Variants in SNX17 observed in about 807,000 individuals in gnomAD.
The protein encoded by SNX17 is sorting nexin 17.
In SNX17, 35 loss-of-function variants were observed where a neutral mutation model predicts 64.3. That is an observed-to-expected ratio of 0.54 (90% CI 0.42 to 0.72). The LOEUF (loss-of-function observed/expected upper bound fraction) is 0.72, where lower values mean the gene tolerates loss of function less well. SNX17 is among the 30% of genes least tolerant of loss of function. The pLI, the probability that SNX17 is intolerant of heterozygous loss-of-function variation, is 0.00. For missense variants in SNX17, 538 were observed against 610.0 expected, an observed-to-expected ratio of 0.88 and a Z score of 1.24; for synonymous variants, 259 against 230.2, an observed-to-expected ratio of 1.13 and a Z score of -1.13.
chr2:27,370,776 C>T lies in SNX17; in HGVS notation c.33C>T (p.Arg11=). The part of the protein sequence containing the change: MHFSIPETES[R]SGDSGGSAYV... ...TTTCCATTCCCGAAACCGAGTCCCGCAGCGGGGACAGCGGCGGCTCCGCCT... is the reference window on the plus strand; with the variant it reads ...TTTCCATTCCCGAAACCGAGTCCCGTAGCGGGGACAGCGGCGGCTCCGCCT... Residue 11 remains arginine (R), a synonymous_variant, in exon 1 of 15, where the codon CGC becomes CGT. Coordinates refer to ENST00000233575, the MANE Select transcript of SNX17 (RefSeq NM_014748.4). 2 of 1,547,190 alleles carry T rather than the reference C, an allele frequency of 1.3e-6. No individual in the cohort carries two copies. The highest frequency in any genetic ancestry group is 1.7e-6 in the Non-Finnish European group (2 of 1,146,522).
intron 12 of SNX17, 56 bp downstream of exon 12, chr2:27,376,239 C>T (rs995790623): frequency 7.4e-6 from 12 of 1,612,920 alleles, no homozygotes; most frequent in African/African-American, 6.7e-5. Context: ...TGCCTTTTGT[C>T]CTAGATGTGA....
In SNX17 at chr2:27,377,402, T is replaced by G; in HGVS notation, c.*683T>G. ...GTGCCTCAGTCAAGGCAAGGTCCCC[T>G]GGTCCATATGGGCCCCCCCGCCCAT... is the stretch of plus-strand genomic sequence containing the variant. On this transcript the variant is annotated 3_prime_UTR_variant, in exon 15 of 15. Transcript: ENST00000233575. The surrounding 1 kb of genome is among the most constrained non-coding windows in gnomAD (Gnocchi z 4.4). 1 of 885,956 alleles carries G rather than the reference T, an allele frequency of 1.1e-6. No homozygotes were observed. Among genetic ancestry groups the G allele is most frequent in the Non-Finnish European group, 1.8e-6 (1 of 551,774 alleles). The allele number at this position is 885,956 out of a possible 1,614,324, so 54.9% of individuals were successfully genotyped here.
chr2:27,375,813 G>T lies in SNX17; in HGVS notation c.979-33G>T. On this transcript the variant is annotated intron_variant, in intron 10 of 14. Coordinates refer to ENST00000233575, the MANE Select transcript of SNX17 (RefSeq NM_014748.4). The surrounding 1 kb of genome is among the most constrained non-coding windows in gnomAD (Gnocchi z 4.1). Reference sequence around the variant, plus strand: ...CAGGGAGCCAGACAGGTTGGTCAGAGTGAACTCAACCGAATTCCCCTTCCT... The same window carrying T: ...CAGGGAGCCAGACAGGTTGGTCAGATTGAACTCAACCGAATTCCCCTTCCT... 3 of 1,612,236 alleles carry T rather than the reference G, an allele frequency of 1.9e-6. No homozygotes were observed. The highest frequency in any genetic ancestry group is 2.5e-6 in the Non-Finnish European group (3 of 1,179,156).
chr2:27,375,727 G>C lies in SNX17; in HGVS notation c.978+18G>C, dbSNP rs373653454. 4.3e-6 allele frequency: 7 copies of C among 1,613,494 alleles called. No homozygotes were observed. The highest frequency in any genetic ancestry group is 5.9e-6 in the Non-Finnish European group (7 of 1,179,932). On this transcript the variant is annotated intron_variant, in intron 10 of 14. Coordinates refer to ENST00000233575, the MANE Select transcript of SNX17 (RefSeq NM_014748.4). The surrounding 1 kb of genome is among the most constrained non-coding windows in gnomAD (Gnocchi z 4.1). ...CCTCCTCTGTGAGTCGGGTTAGGAG[G>C]GGGAAGGGCCTGGGTTGGGGGCCCG...
rs776430547 is a variant in SNX17 at position 27,375,940 on chromosome 2, G to T, written c.1073G>T (p.Arg358Leu). ...LAFEYLMSKD[R>L]LQWVTITSPQ... ...TTTGAATACCTCATGAGCAAGGACC[G>T]GCTACAGTGGGTCACCATCACTAGC... The change falls in exon 11 of 15, where the codon CGG becomes CTG. Residue 358 changes from arginine to leucine, a missense_variant. Transcript: ENST00000233575. The surrounding 1 kb of genome is among the most constrained non-coding windows in gnomAD (Gnocchi z 4.1). The T allele has an allele frequency of 6.2e-7, 1 of 1,614,120 alleles. No homozygotes were observed. The highest frequency in any genetic ancestry group is 2.2e-5 in the East Asian group (1 of 44,876).
rs183606717 is a variant in SNX17 at position 27,373,162 on chromosome 2, G to A, written c.257-85G>A. 11 of 1,608,936 alleles carry A rather than the reference G, an allele frequency of 6.8e-6. No individual in the cohort carries two copies. In the Admixed American group the frequency reaches 1.7e-4, roughly 24 times the overall value. On this transcript the variant is annotated intron_variant, in intron 3 of 14. Transcript: ENST00000233575. Reference sequence around the variant, plus strand: ...CAGGCCACCATCAGCCCAGGAAATGGGGTCGGGGGAACCTACTGAGAGGAG... The same window carrying A: ...CAGGCCACCATCAGCCCAGGAAATGAGGTCGGGGGAACCTACTGAGAGGAG...
At position 27,371,307 on chromosome 2, in the gene SNX17, G is replaced by A; in HGVS notation, c.102G>A (p.Arg34=). The change falls in exon 2 of 15, where the codon CGG becomes CGA. Residue 34 remains arginine (R), a synonymous_variant. Coordinates refer to ENST00000233575, the MANE Select transcript of SNX17 (RefSeq NM_014748.4). ...NIHVNGVLHC[R]VRYSQLLGLH... is the part of the protein sequence containing the mutation. The stretch of plus-strand genomic sequence containing the variant: ...ACGTGAATGGAGTCCTGCACTGTCG[G>A]GTGCGCTACAGCCAGCTCCTGGGGC... 6.2e-7 allele frequency: 1 copy of A among 1,613,310 alleles called. No homozygotes were observed. The highest frequency in any genetic ancestry group is 8.5e-7 in the Non-Finnish European group (1 of 1,179,934).
In SNX17 at chr2:27,375,179, C is replaced by T. The variant is rs201568200; in HGVS notation, c.774+26C>T. 2.5e-6 allele frequency: 4 copies of T among 1,601,148 alleles called. No individual in the cohort carries two copies. The highest frequency in any genetic ancestry group is 4.5e-5 in the East Asian group (2 of 44,822). On this transcript the variant is annotated intron_variant, in intron 9 of 14. Coordinates refer to ENST00000233575, the MANE Select transcript of SNX17 (RefSeq NM_014748.4). The surrounding 1 kb of genome is among the most constrained non-coding windows in gnomAD (Gnocchi z 4.1). ...GTGAGCCCTGCCTCCTCTCTGTCTT[C>T]CTCTAAGGGCTTGCAGTGGCGCGAT...
In SNX17 at chr2:27,376,642, A is replaced by C. The variant is rs758477398; in HGVS notation, c.1336A>C (p.Ser446Arg). The change falls in exon 15 of 15, where the codon AGT (serine) becomes CGT (arginine). Residue 446 changes from serine (S) to arginine (R), a missense_variant. Ser to Arg is a moderately radical substitution (Grantham distance 110). Coordinates refer to ENST00000233575, the MANE Select transcript of SNX17 (RefSeq NM_014748.4). ...TGCCGTGAGCTTGCGGGGAATTGGC[A>C]GTCCCAGCACAGATGCCAGTGCCAG... ...LSAVSLRGIG[S>R]PSTDASASDV... 2.5e-6 allele frequency: 4 copies of C among 1,614,194 alleles called. No homozygotes were observed. The highest frequency in any genetic ancestry group is 1.3e-5 in the African/African-American group (1 of 75,054).
At chr2:27,372,784 G>A (rs1682767676) in intron 3 of SNX17, 44 bp downstream of exon 3, 1 of 1,610,898 alleles carries the variant, frequency 6.2e-7, no homozygotes, top group South Asian at 1.1e-5. Flanking sequence ...TGAGGACTAT[G>A]GGGAGAGACT....
intron 2 of SNX17, 138 bp from the exon 3 acceptor site, chr2:27,372,485 C>A: frequency 1.6e-6 from 2 of 1,221,260 alleles, no homozygotes; most frequent in South Asian, 1.4e-5. Context: ...GGAATTGTTT[C>A]TCAGATGACC....
intron 2 of SNX17, 27 bp from the exon 3 acceptor site, chr2:27,372,596 A>T (rs1454927352): frequency 6.2e-7 from 1 of 1,614,044 alleles, no homozygotes; most frequent in East Asian, 2.2e-5. Context: ...TGTTTATGTG[A>T]AGGGTTGTAT....
In SNX17 at chr2:27,375,896, G is replaced by A; in HGVS notation, c.1029G>A (p.Glu343=). ...STSSPGRGRG[E]VRLELAFEYL... ...GCAGCCCAGGCCGGGGCCGGGGTGAGGTGCGCCTGGAACTGGCTTTTGAAT... is the reference window on the plus strand; with the variant it reads ...GCAGCCCAGGCCGGGGCCGGGGTGAAGTGCGCCTGGAACTGGCTTTTGAAT... Residue 343 remains glutamate, a synonymous_variant, in exon 11 of 15, where the codon GAG becomes GAA. Transcript: ENST00000233575. This position sits in a 1 kb window ranked among gnomAD's most constrained non-coding sequence, Gnocchi z 4.1. 6.2e-7 allele frequency: 1 copy of A among 1,614,196 alleles called. No homozygotes were observed. Among genetic ancestry groups the A allele is most frequent in the Non-Finnish European group, 8.5e-7 (1 of 1,180,048 alleles).
chr2:27,371,406 T>A (rs752937352), intron 2 of SNX17, 63 bp downstream of exon 2: 4 of 1,557,082 alleles, frequency 2.6e-6, no homozygotes, highest in Non-Finnish European at 3.5e-6. Context: ...GACATCAGTG[T>A]CTCCCTTTAC....
In SNX17 at chr2:27,375,460, C is replaced by G; in HGVS notation, c.775-46C>G. 6.2e-7 allele frequency: 1 copy of G among 1,608,244 alleles called. No individual in the cohort carries two copies. Among genetic ancestry groups the G allele is most frequent in the Non-Finnish European group, 8.5e-7 (1 of 1,175,986 alleles). On this transcript the variant is annotated intron_variant, in intron 9 of 14. Transcript: ENST00000233575. The surrounding 1 kb of genome is among the most constrained non-coding windows in gnomAD (Gnocchi z 4.1). ...ACCGGGGTTGCTTTTTCTGAGCTGC[C>G]CCATTCTCCCTCCTAATCTACCCCC...
intron 1 of SNX17, 151 bp downstream of exon 1, chr2:27,370,957 T>C (rs906237176): frequency 6.4e-6 from 6 of 933,588 alleles, no homozygotes; most frequent in Admixed American, 2.9e-5. Context: ...GCTTATCTCA[T>C]GTGTGTGATT....
At position 27,370,711 on chromosome 2, in the gene SNX17, T is replaced by C; in HGVS notation, c.-33T>C. Reference sequence around the variant, plus strand: ...TGCAGAGCCGCTGCGGCCCTCACAGTCCGGAGCCCGGCCGTGCCGTGCCGT... The same window carrying C: ...TGCAGAGCCGCTGCGGCCCTCACAGCCCGGAGCCCGGCCGTGCCGTGCCGT... On this transcript the variant is annotated 5_prime_UTR_variant, in exon 1 of 15. Coordinates refer to ENST00000233575, the MANE Select transcript of SNX17 (RefSeq NM_014748.4). The C allele has an allele frequency of 6.5e-7, 1 of 1,536,546 alleles. No homozygotes were observed. Among genetic ancestry groups the C allele is most frequent in the Non-Finnish European group, 8.8e-7 (1 of 1,137,992 alleles).
rs1682504398 is a variant in SNX17, at chr2:27,371,307, G to C, written c.102G>C (p.Arg34=). Residue 34 remains arginine, a synonymous_variant, in exon 2 of 15, where the codon CGG becomes CGC. Coordinates refer to ENST00000233575, the MANE Select transcript of SNX17 (RefSeq NM_014748.4). ...NIHVNGVLHC[R]VRYSQLLGLH... ...ACGTGAATGGAGTCCTGCACTGTCG[G>C]GTGCGCTACAGCCAGCTCCTGGGGC... is the stretch of plus-strand genomic sequence containing the variant. The C allele has an allele frequency of 6.2e-7, 1 of 1,613,310 alleles. No individual in the cohort carries two copies. The highest frequency in any genetic ancestry group is 8.5e-7 in the Non-Finnish European group (1 of 1,179,934).
chr2:27,377,230 A>G lies in SNX17; in HGVS notation c.*511A>G. 1 of 529,666 alleles carries G rather than the reference A, an allele frequency of 1.9e-6. No individual in the cohort carries two copies. The highest frequency in any genetic ancestry group is 3.4e-6 in the Non-Finnish European group (1 of 291,446). 32.8% of individuals were successfully genotyped at this position (529,666 alleles called of 1,614,324 possible). A position where few individuals can be genotyped will look rare whatever the true frequency, so the allele number is the denominator to read the frequency against. ...CTGCCATTGCCAATTCAGCATAGAC[A>G]TGGCTTTGTTAGTGTTTCCTTTATT... On this transcript the variant is annotated 3_prime_UTR_variant, in exon 15 of 15. Transcript: ENST00000233575. This position sits in a 1 kb window ranked among gnomAD's most constrained non-coding sequence, Gnocchi z 4.4.
Sources: gnomAD v4.1 joint callset for allele counts on GRCh38, gnomAD v4.1.1 for gene constraint, Gnocchi (gnomAD v3.1) non-coding constraint, MANE v1.5 for transcripts, NCBI Gene and HGNC (gene_info 2026-07-23, HGNC 2026-07-21) for gene names.